Variants in PRH1 observed in about 807,000 individuals in gnomAD.
The protein encoded by PRH1 is proline rich protein HaeIII subfamily 1, also known as salivary acidic proline-rich phosphoprotein 1/2.
Under a neutral mutation model 7.9 loss-of-function variants are expected in PRH1, and 7 were observed. The ratio of observed to expected loss-of-function variants is 0.89; its 90% CI spans 0.50 to 1.67. The LOEUF is 1.67. Ranked by LOEUF, PRH1 falls within the 40% of genes most tolerant of loss-of-function variation. The pLI, the probability that PRH1 is intolerant of heterozygous loss-of-function variation, is 0.00. For synonymous variants in PRH1, 45 were observed against 80.8 expected, an observed-to-expected ratio of 0.56 and a Z score of 2.38; for missense variants, 109 against 223.6, an observed-to-expected ratio of 0.49 and a Z score of 3.27.
chr12:11,025,634 C>T (rs1321959500), intron 1 of PRH1, among the ~76,000 whole-genome samples: 2 of 152,290 alleles, frequency 1.3e-5, no homozygotes, highest in Admixed American at 6.5e-5. Context: ...TCTATTTTCT[C>T]TCCTCTAATC....
chr12:10,903,394 C>A (rs1949750796), intron 2 of PRH1, among the ~76,000 whole-genome samples: 2 of 151,986 alleles, frequency 1.3e-5, no homozygotes, highest in African/African-American at 4.8e-5. Flanking sequence ...GATTTAGATA[C>A]CCACTCAATA....
chr12:10,894,625 AT>A (rs1311221493), intron 2 of PRH1, among the ~76,000 whole-genome samples: 1 of 152,172 alleles, frequency 6.6e-6, no homozygotes, highest in Non-Finnish European at 1.5e-5. Context: ...ATGTATTTCT[AT>A]TCTATTCTAA....
intron 1 of PRH1, among the ~76,000 whole-genome samples, chr12:11,033,071 C>T (rs1005066939): frequency 2.0e-5 from 3 of 152,176 alleles, no homozygotes; most frequent in Non-Finnish European, 2.9e-5. Context: ...CATCTCAAAT[C>T]ACCACAGCCA....
intron 1 of PRH1, among the ~76,000 whole-genome samples, chr12:11,039,347 G>A (rs1331168276): frequency 6.6e-6 from 1 of 152,230 alleles, no homozygotes; most frequent in Admixed American, 6.5e-5. Flanking sequence ...TAGGCCAACG[G>A]ATGTAATCAA....
chr12:10,968,673 G>A (rs1938634857), intron 2 of PRH1, among the ~76,000 whole-genome samples: 1 of 152,242 alleles, frequency 6.6e-6, no homozygotes, highest in African/African-American at 2.4e-5. Flanking sequence ...CCAGCCAGCT[G>A]CTTTAGGGCT....
At chr12:11,063,757 ATTAAGG>A (rs1943703286) in intron 1 of PRH1, among the ~76,000 whole-genome samples, 1 of 152,118 alleles carries the variant, frequency 6.6e-6, no homozygotes, top group Non-Finnish European at 1.5e-5. Flanking sequence ...GAGGTCGATA[ATTAAGG>A]CTAGAAGAAA....
At chr12:11,121,699 C>T (rs1945910460) in intron 1 of PRH1, among the ~76,000 whole-genome samples, 1 of 151,694 alleles carries the variant, frequency 6.6e-6, no homozygotes, top group South Asian at 2.1e-4. Context: ...TATACATATA[C>T]AAAATTTACT....
intron 1 of PRH1, among the ~76,000 whole-genome samples, chr12:10,991,074 A>G (rs10845270): frequency 0.3 from 46,324 of 152,074 alleles, 8,914 homozygotes; most frequent in East Asian, 0.74. Context: ...AGAGACCAGG[A>G]TTGACTTCTG....
intron 1 of PRH1, chr12:11,134,402 A>G (rs1946487382): frequency 1.1e-6 from 1 of 929,818 alleles, no homozygotes; most frequent in East Asian, 2.7e-5. Context: ...TCAAGTCAGA[A>G]ATCACCATGG....
chr12:11,005,076 C>T (rs1296513080), intron 1 of PRH1, among the ~76,000 whole-genome samples: 3 of 152,080 alleles, frequency 2.0e-5, no homozygotes, highest in Non-Finnish European at 4.4e-5. Context: ...TGTGCATTAA[C>T]GCTCTTGTTC....
intron 1 of PRH1, among the ~76,000 whole-genome samples, chr12:11,068,966 G>C (rs1215760102): frequency 7.6e-6 from 1 of 131,004 alleles, no homozygotes; most frequent in Non-Finnish European, 1.8e-5. Context: ...GGAGTGCAGT[G>C]GTTTCGGATT....
At chr12:10,969,894 G>C (rs1404473876) in intron 2 of PRH1, among the ~76,000 whole-genome samples, 1 of 152,124 alleles carries the variant, frequency 6.6e-6, no homozygotes, top group African/African-American at 2.4e-5. Context: ...CTGACTCCCA[G>C]GTTCAAGCAA....
chr12:10,959,647 A>G (rs1266830398), intron 2 of PRH1, among the ~76,000 whole-genome samples: 2 of 152,184 alleles, frequency 1.3e-5, no homozygotes, highest in Non-Finnish European at 2.9e-5. Flanking sequence ...CTTCACTTAT[A>G]TCATTATCTA....
chr12:10,931,076 G>A (rs773808538), intron 2 of PRH1: 12 of 1,553,214 alleles, frequency 7.7e-6, no homozygotes, highest in Non-Finnish European at 1.0e-5. Flanking sequence ...AGGATTCAAT[G>A]ATAGGTATGA....
intron 1 of PRH1, among the ~76,000 whole-genome samples, chr12:11,017,590 T>G (rs1422572985): frequency 6.6e-6 from 1 of 152,158 alleles, no homozygotes; most frequent in Non-Finnish European, 1.5e-5. Context: ...GTTCAATCAA[T>G]TCAAATCCTT....
At chr12:10,901,919 G>C (rs148288901) in intron 2 of PRH1, among the ~76,000 whole-genome samples, 1 of 152,138 alleles carries the variant, frequency 6.6e-6, no homozygotes, top group African/African-American at 2.4e-5. Context: ...CAGAGGAGGA[G>C]GAAAGAGAAC....
chr12:10,892,540 GTA>G (rs1303921849), intron 2 of PRH1, among the ~76,000 whole-genome samples: 1 of 151,994 alleles, frequency 6.6e-6, no homozygotes, highest in African/African-American at 2.4e-5. Context: ...TTCATAAGGG[GTA>G]TGTCATTTTA....
chr12:10,971,307 T>TA (rs1747385691), intron 2 of PRH1, among the ~76,000 whole-genome samples: 1 of 152,246 alleles, frequency 6.6e-6, no homozygotes, highest in Non-Finnish European at 1.5e-5. Flanking sequence ...TTGAAAACTT[T>TA]ATATAAATGG....
Position 11,093,607 on chromosome 12 carries a change from C to A in PRH1, n.124-46419G>T, listed in dbSNP as rs180871638. 3.5e-5 allele frequency among the ~76,000 whole-genome samples: 4 copies of A among 115,404 alleles called. 1 individual carries two copies. The highest frequency in any genetic ancestry group is 2.1e-4 in the East Asian group (1 of 4,756). The allele number at this position is 115,404 out of a possible 152,430, so 75.7% of individuals were successfully genotyped here. A position where few individuals can be genotyped will look rare whatever the true frequency, so the allele number is the denominator to read the frequency against. ...TAATGTTTAAATATTTATTATTATA[C>A]AAAATATTTAGCAATTTTATAACAA... On this transcript the variant is annotated intron_variant and non_coding_transcript_variant, in intron 1 of 4. Transcript: ENST00000541977.
Sources: allele counts gnomAD v4.1 joint callset (sites outside exome capture counted in the v4.1 genomes callset), GRCh38; gene constraint gnomAD v4.1.1; transcripts MANE v1.5; gene names NCBI Gene and HGNC (gene_info 2026-07-23, HGNC 2026-07-21).